Variants in AKR1C8 observed in about 807,000 individuals in gnomAD.
AKR1C8 encodes aldo-keto reductase family 1 member C8, also known as aldo-keto reductase family 1 member C-like protein 1.
At chr10:5,161,860 A>G in the AKR1C8 span, 2 of 534,732 alleles carry the variant, frequency 3.7e-6, no homozygotes, top group Admixed American at 1.9e-5. Context: ...GCTGACCTTC[A>G]TAGCAAATGG....
chr10:5,173,207 GA>G, the AKR1C8 span, among the ~76,000 whole-genome samples: 3 of 151,620 alleles, frequency 2.0e-5, no homozygotes, highest in South Asian at 6.3e-4. Flanking sequence ...AGTTAACTGG[GA>G]AAAAAAACCT....
the AKR1C8 span, chr10:5,160,694 G>A: frequency 2.5e-6 from 1 of 395,604 alleles, no homozygotes; most frequent in Non-Finnish European, 5.1e-6. Flanking sequence ...GAGGCACAGA[G>A]AAGCTCCACA....
At chr10:5,133,580 A>C in the AKR1C8 span, among the ~76,000 whole-genome samples, 2 of 152,142 alleles carry the variant, frequency 1.3e-5, no homozygotes, top group East Asian at 3.9e-4. Context: ...TGCTATTTGG[A>C]CACTTCATTC....
chr10:5,177,609 T>C, the AKR1C8 span, among the ~76,000 whole-genome samples: 3 of 152,222 alleles, frequency 2.0e-5, no homozygotes, highest in Non-Finnish European at 4.4e-5. Context: ...CATGTGGTCC[T>C]GGACTCTTTT....
the AKR1C8 span, among the ~76,000 whole-genome samples, chr10:5,127,213 T>G: frequency 6.6e-6 from 1 of 150,898 alleles, no homozygotes; most frequent in African/African-American, 2.5e-5. Flanking sequence ...CAACCTAAAA[T>G]TTTTTTTTAA....
the AKR1C8 span, among the ~76,000 whole-genome samples, chr10:5,150,252 GATT>G: frequency 3.0e-4 from 45 of 152,128 alleles, no homozygotes; most frequent in Admixed American, 2.6e-3. Context: ...GACAAGAGGT[GATT>G]ATAAGTTGCT....
the AKR1C8 span, chr10:5,162,964 G>T: frequency 1.9e-6 from 1 of 534,466 alleles, no homozygotes; most frequent in Non-Finnish European, 3.8e-6. Context: ...AATCAATATG[G>T]CGGAAGCCTA....
At chr10:5,162,004 A>T in the AKR1C8 span, 153 of 525,428 alleles carry the variant, frequency 2.9e-4, no homozygotes, top group East Asian at 8.1e-3. Flanking sequence ...AAAATGGATT[A>T]TAATTTCACA....
the AKR1C8 span, among the ~76,000 whole-genome samples, chr10:5,125,503 C>T: frequency 6.6e-6 from 1 of 152,162 alleles, no homozygotes; most frequent in African/African-American, 2.4e-5. Flanking sequence ...AATCTCACAG[C>T]CGGTGCTCTT....
the AKR1C8 span, among the ~76,000 whole-genome samples, chr10:5,135,560 T>C: frequency 6.6e-6 from 1 of 151,160 alleles, no homozygotes; most frequent in Non-Finnish European, 1.5e-5. Context: ...CTATCTATCA[T>C]CTATCATCTA....
chr10:5,129,346 C>T, the AKR1C8 span, among the ~76,000 whole-genome samples: 1 of 151,936 alleles, frequency 6.6e-6, no homozygotes, highest in African/African-American at 2.4e-5. Flanking sequence ...AATTGACAAC[C>T]TAATATCACA....
chr10:5,163,171 C>A, the AKR1C8 span: 1 of 336,682 alleles, frequency 3.0e-6, no homozygotes, highest in Non-Finnish European at 6.0e-6. Context: ...ACTCTGAGGA[C>A]ATTGATTAAA....
chr10:5,120,131 C>A, the AKR1C8 span, among the ~76,000 whole-genome samples: 1 of 152,228 alleles, frequency 6.6e-6, no homozygotes, highest in Non-Finnish European at 1.5e-5. Context: ...AAACCGCAAA[C>A]AATAGCATGA....
chr10:5,174,218 T>A, the AKR1C8 span, among the ~76,000 whole-genome samples: 5 of 151,734 alleles, frequency 3.3e-5, no homozygotes, highest in South Asian at 1.0e-3. Flanking sequence ...AACAGAAAAT[T>A]TTACAACTAC....
chr10:5,116,140 T>C, the AKR1C8 span, among the ~76,000 whole-genome samples: 1 of 152,188 alleles, frequency 6.6e-6, no homozygotes, highest in African/African-American at 2.4e-5. Context: ...GACGCCCTAA[T>C]GCATACTCTT....
At chr10:5,143,384 G>A in the AKR1C8 span, among the ~76,000 whole-genome samples, 1 of 152,068 alleles carries the variant, frequency 6.6e-6, no homozygotes, top group Non-Finnish European at 1.5e-5. Context: ...TGCACTCTAG[G>A]ACTTTCACCA....
chr10:5,165,241 A>T, the AKR1C8 span, among the ~76,000 whole-genome samples: 3 of 152,180 alleles, frequency 2.0e-5, no homozygotes, highest in African/African-American at 7.2e-5. Flanking sequence ...GAATTTTAAC[A>T]GTTTCTTTAT....
the AKR1C8 span, among the ~76,000 whole-genome samples, chr10:5,171,845 T>C: frequency 6.6e-6 from 1 of 152,110 alleles, no homozygotes; most frequent in South Asian, 2.1e-4. Flanking sequence ...TCTTCAACCT[T>C]TGAATGGAGG....
the AKR1C8 span, among the ~76,000 whole-genome samples, chr10:5,136,857 C>T: frequency 3.2e-4 from 48 of 151,888 alleles, no homozygotes; most frequent in Admixed American, 5.3e-4. Flanking sequence ...TAGAATCAGA[C>T]GAAATAACAT....
Sources: allele counts gnomAD v4.1 joint callset (sites outside exome capture counted in the v4.1 genomes callset), GRCh38; gene constraint gnomAD v4.1.1; transcripts MANE v1.5; gene names NCBI Gene and HGNC (gene_info 2026-07-23, HGNC 2026-07-21).